PNLIPRP3: variants seen among roughly 807,000 people sequenced by gnomAD.
PNLIPRP3 encodes pancreatic lipase-related protein 3.
Under a neutral mutation model 52.8 loss-of-function variants are expected in PNLIPRP3, and 58 were observed. That is an observed-to-expected ratio of 1.10 (90% CI 0.89 to 1.37). The LOEUF is 1.37. Ranked by LOEUF, PNLIPRP3 falls within the 40% of genes most tolerant of loss-of-function variation. PNLIPRP3 has a pLI of 0.00. For synonymous variants in PNLIPRP3, 192 were observed against 185.0 expected, an observed-to-expected ratio of 1.04 and a Z score of -0.31; for missense variants, 593 against 561.6, an observed-to-expected ratio of 1.06 and a Z score of -0.57.
chr10:116,475,022 T>C (rs1201040004), intron 10 of PNLIPRP3, among the ~76,000 whole-genome samples: 1 of 152,138 alleles, frequency 6.6e-6, no homozygotes, highest in Non-Finnish European at 1.5e-5. Flanking sequence ...AGCAAAGACA[T>C]GGAATCAACC....
chr10:116,470,902 T>C (rs1043991537), intron 9 of PNLIPRP3, among the ~76,000 whole-genome samples: 3 of 152,130 alleles, frequency 2.0e-5, no homozygotes, highest in African/African-American at 7.2e-5. Context: ...CAGGGCCCCA[T>C]AGAGGCTCAT....
At chr10:116,473,937 T>A in intron 10 of PNLIPRP3, among the ~76,000 whole-genome samples, 1 of 111,390 alleles carries the variant, frequency 9.0e-6, no homozygotes, top group South Asian at 3.2e-4. Flanking sequence ...ATTTTAAAAT[T>A]CATATGGAAC....
At chr10:116,468,005 G>T (rs1235138829) in intron 8 of PNLIPRP3, among the ~76,000 whole-genome samples, 1 of 151,210 alleles carries the variant, frequency 6.6e-6, no homozygotes, top group Non-Finnish European at 1.5e-5. Context: ...GGTGCCTGTA[G>T]TCCTAGCTAC....
At position 116,443,065 on chromosome 10, in the gene PNLIPRP3, C is replaced by T. The variant is rs373852386; in HGVS notation, c.215C>T (p.Ala72Val). 40 of 1,590,896 alleles carry T rather than the reference C, an allele frequency of 2.5e-5. No individual in the cohort carries two copies. The highest frequency in any genetic ancestry group is 1.7e-4 in the South Asian group (15 of 87,772). Residue 72 changes from alanine to valine, a missense_variant, in exon 3 of 12, where the codon GCG becomes GTG. Ala to Val is a moderately conservative substitution (Grantham distance 64). Coordinates refer to ENST00000369230, the MANE Select transcript of PNLIPRP3 (RefSeq NM_001011709.3). ...TTCTGCTTGAAACAGGAGATCAGTG[C>T]GGTTAATTCTTCAACTATCCAAGCC... ...HNPNAYQEIS[A>V]VNSSTIQASY...
chr10:116,437,958 C>T (rs74158463), intron 2 of PNLIPRP3, among the ~76,000 whole-genome samples: 6,712 of 152,084 alleles, frequency 0.044, 504 homozygotes, highest in African/African-American at 0.15. Flanking sequence ...GGATCACACA[C>T]GGGAAACAGC....
intron 1 of PNLIPRP3, 50 bp from the exon 2 acceptor site, chr10:116,436,661 T>G (rs1338619047): frequency 6.8e-7 from 1 of 1,472,540 alleles, no homozygotes; most frequent in Non-Finnish European, 9.1e-7. Context: ...AAACACAGCC[T>G]CTCTCTAAGC....
chr10:116,459,281 T>A (rs200215871), intron 5 of PNLIPRP3, among the ~76,000 whole-genome samples: 10,423 of 128,988 alleles, frequency 0.081, 470 homozygotes, highest in Non-Finnish European at 0.12. Flanking sequence ...GTCAGAAAAA[T>A]AAAAAAAAAA....
chr10:116,432,842 C>T (rs1025250596), intron 1 of PNLIPRP3, among the ~76,000 whole-genome samples: 4 of 151,950 alleles, frequency 2.6e-5, no homozygotes, highest in African/African-American at 7.2e-5. Flanking sequence ...TGGCCAGGCA[C>T]GGTGGCTCAT....
chr10:116,439,980 C>G, intron 2 of PNLIPRP3: 1 of 803,516 alleles, frequency 1.2e-6, no homozygotes, highest in Non-Finnish European at 2.2e-6. Context: ...CTTCTCTGCA[C>G]GTCTGCACGA....
intron 3 of PNLIPRP3, among the ~76,000 whole-genome samples, chr10:116,443,791 A>ATG (rs1175117723): frequency 0.046 from 537 of 11,748 alleles, 11 homozygotes; most frequent in Admixed American, 0.17. Context: ...GTGTGTATGT[A>ATG]TGTGTGTGTG....
chr10:116,475,177 G>T (rs528669182), intron 10 of PNLIPRP3, among the ~76,000 whole-genome samples: 10 of 152,280 alleles, frequency 6.6e-5, no homozygotes, highest in Non-Finnish European at 1.2e-4. Context: ...GCAAACTAAT[G>T]CAGGAACAGG....
intron 7 of PNLIPRP3, among the ~76,000 whole-genome samples, chr10:116,465,837 C>T (rs1042927824): frequency 4.6e-5 from 7 of 152,176 alleles, no homozygotes; most frequent in Non-Finnish European, 1.0e-4. Flanking sequence ...TGCTTATTTC[C>T]ACTTCTTGAA....
Position 116,444,275 on chromosome 10 carries a change from C to A in PNLIPRP3, c.325-107C>A, listed in dbSNP as rs911811152. 71 of 963,260 alleles carry A rather than the reference C, an allele frequency of 7.4e-5. No homozygotes were observed. In the African/African-American group the frequency reaches 1.2e-3, roughly 16 times the overall value. The allele number at this position is 963,260 out of a possible 1,614,324, so 59.7% of individuals were successfully genotyped here. On this transcript the variant is annotated intron_variant, in intron 3 of 11. Coordinates refer to ENST00000369230, the MANE Select transcript of PNLIPRP3 (RefSeq NM_001011709.3). ...ATTTGGTCGGGGACACAAAGTCTAA[C>A]CATATCAACCTACTAGTATAATTTC...
intron 1 of PNLIPRP3, among the ~76,000 whole-genome samples, chr10:116,435,822 C>T (rs966675495): frequency 2.0e-5 from 3 of 151,966 alleles, no homozygotes; most frequent in African/African-American, 7.2e-5. Flanking sequence ...AATTTTTTTA[C>T]AGAAATAGAG....
Position 116,436,705 on chromosome 10 carries a change from C to T in PNLIPRP3, c.50-6C>T, listed in dbSNP as rs763021938. The T allele has an allele frequency of 6.2e-7, 1 of 1,602,864 alleles. No individual in the cohort carries two copies. The highest frequency in any genetic ancestry group is 1.7e-5 in the Admixed American group (1 of 59,354). Reference sequence around the variant, plus strand: ...TCTATACTGACACTCCACCTTTCTGCTGCAGGAAAAGAAGTTTGCTATGAA... The same window carrying T: ...TCTATACTGACACTCCACCTTTCTGTTGCAGGAAAAGAAGTTTGCTATGAA... On this transcript the variant is annotated splice_polypyrimidine_tract_variant and splice_region_variant and intron_variant, in intron 1 of 11. Transcript: ENST00000369230.
At chr10:116,450,262 T>G (rs1303378905) in intron 4 of PNLIPRP3, among the ~76,000 whole-genome samples, 2 of 152,176 alleles carry the variant, frequency 1.3e-5, no homozygotes, top group Non-Finnish European at 2.9e-5. Context: ...TAAACTTTCT[T>G]AAAACATTAT....
Position 116,427,993 on chromosome 10 carries a change from G to T in PNLIPRP3, c.-20G>T. On this transcript the variant is annotated 5_prime_UTR_variant, in exon 1 of 12. The change abolishes the stop of an existing upstream ORF in the 5' untranslated region. Coordinates refer to ENST00000369230, the MANE Select transcript of PNLIPRP3 (RefSeq NM_001011709.3). Reference sequence around the variant, plus strand: ...AAGATCTTCAAGAAGATTTTTATGTGATTTAAAAAATCAGCTTAGATGCTT... The same window carrying T: ...AAGATCTTCAAGAAGATTTTTATGTTATTTAAAAAATCAGCTTAGATGCTT... The T allele has an allele frequency of 6.3e-7, 1 of 1,596,900 alleles. No individual in the cohort carries two copies. The highest frequency in any genetic ancestry group is 1.1e-5 in the South Asian group (1 of 89,816).
chr10:116,461,638 G>T (rs1261290776), intron 7 of PNLIPRP3, among the ~76,000 whole-genome samples: 1 of 152,150 alleles, frequency 6.6e-6, no homozygotes, highest in Non-Finnish European at 1.5e-5. Context: ...AAAGACAAAG[G>T]TGCCTCCCTG....
At chr10:116,453,345 A>C (rs1351137726) in intron 4 of PNLIPRP3, among the ~76,000 whole-genome samples, 2 of 152,158 alleles carry the variant, frequency 1.3e-5, no homozygotes, top group Non-Finnish European at 2.9e-5. Flanking sequence ...CTTGGCCTTG[A>C]GTCTCAGATG....
Sources: allele counts gnomAD v4.1 joint callset (sites outside exome capture counted in the v4.1 genomes callset), GRCh38; gene constraint gnomAD v4.1.1; transcripts MANE v1.5; gene names NCBI Gene and HGNC (gene_info 2026-07-23, HGNC 2026-07-21).